The following LRP1B variants were observed in gnomAD, a reference collection of about 807,000 sequenced individuals.
The protein encoded by LRP1B is low-density lipoprotein receptor-related protein 1B.
Under a neutral mutation model 556.6 loss-of-function variants are expected in LRP1B, and 217 were observed. That is an observed-to-expected ratio of 0.39 (90% CI 0.35 to 0.44). The LOEUF (loss-of-function observed/expected upper bound fraction) is 0.44, where lower values mean the gene tolerates loss of function less well. LRP1B is among the 20% of genes least tolerant of loss of function. LRP1B has a pLI of 1.00. For synonymous variants in LRP1B, 2,047 were observed against 1,865.8 expected (o/e 1.10, Z -2.50); for missense variants, 5,053 against 5,620.8 (o/e 0.90, Z 3.23).
intron 27 of LRP1B, among the ~76,000 whole-genome samples, chr2:140,857,471 CT>C (rs992412868): frequency 2.6e-5 from 4 of 152,088 alleles, no homozygotes; most frequent in African/African-American, 9.7e-5. Flanking sequence ...CCTATTTTCC[CT>C]ATGACAGACA....
chr2:140,700,420 G>A lies in LRP1B; in HGVS notation c.6629C>T (p.Ser2210Phe), dbSNP rs773567685. 8 of 1,613,192 alleles carry A rather than the reference G, an allele frequency of 5.0e-6. No individual in the cohort carries two copies. Among genetic ancestry groups the A allele is most frequent in the South Asian group, 4.4e-5 (4 of 91,056 alleles). The change falls in exon 41 of 91, where the codon TCC becomes TTC. Residue 2210 changes from serine (S) to phenylalanine (F), a missense_variant. By Grantham distance (155) the Ser-to-Phe change is radical. Around this residue, in one of 5 missense-constraint regions of LRP1B, gnomAD observed 3,619 missense variants for 3,931.9 expected, o/e 0.92. Transcript: ENST00000389484. The stretch of plus-strand genomic sequence containing the variant: ...TGGATTCTCATATGGCCTTATTGGG[G>A]AATTTAAATTGGTTTCATCAGAAAG... ...IHLSDETNLN[S>F]PIRPYENPRY... is the part of the protein sequence containing the mutation.
intron 5 of LRP1B, among the ~76,000 whole-genome samples, chr2:141,242,114 T>G (rs1683899855): frequency 6.6e-6 from 1 of 152,048 alleles, no homozygotes; most frequent in Non-Finnish European, 1.5e-5. Context: ...TGAGATGCTT[T>G]AATAAAAGGC....
intron 3 of LRP1B, among the ~76,000 whole-genome samples, chr2:141,470,371 A>G (rs1353428564): frequency 1.3e-5 from 2 of 152,202 alleles, no homozygotes; most frequent in Non-Finnish European, 2.9e-5. Context: ...CTAGTTACAT[A>G]GTTGTTCAGC....
At chr2:140,955,256 A>AT in intron 18 of LRP1B, among the ~76,000 whole-genome samples, 1 of 151,882 alleles carries the variant, frequency 6.6e-6, no homozygotes, top group Non-Finnish European at 1.5e-5. Flanking sequence ...TAAATTTAAC[A>AT]TTTTTCCTGT....
chr2:141,799,136 G>A (rs1323162429), intron 2 of LRP1B, among the ~76,000 whole-genome samples: 2 of 152,054 alleles, frequency 1.3e-5, no homozygotes, highest in South Asian at 2.1e-4. Context: ...AAGGCAGCCC[G>A]CGCAGACGAA....
At chr2:141,065,448 A>G (rs1220069033) in intron 7 of LRP1B, among the ~76,000 whole-genome samples, 3 of 151,982 alleles carry the variant, frequency 2.0e-5, no homozygotes, top group Non-Finnish European at 4.4e-5. Flanking sequence ...TGAACATGAT[A>G]CATTGTGTTT....
At chr2:141,828,633 CG>C (rs1483768736) in intron 1 of LRP1B, among the ~76,000 whole-genome samples, 1 of 152,056 alleles carries the variant, frequency 6.6e-6, no homozygotes, top group Admixed American at 6.6e-5. Context: ...TAAGTTACCT[CG>C]TGCTGGTTTC....
chr2:141,463,391 T>C (rs1428799792), intron 3 of LRP1B, among the ~76,000 whole-genome samples: 3 of 150,592 alleles, frequency 2.0e-5, no homozygotes, highest in Non-Finnish European at 3.0e-5. Context: ...CAAATGAAAA[T>C]AGAAAAAGCT....
intron 1 of LRP1B, among the ~76,000 whole-genome samples, chr2:141,823,674 CTGT>C (rs1201953477): frequency 2.0e-5 from 3 of 151,950 alleles, no homozygotes; most frequent in Non-Finnish European, 4.4e-5. Context: ...TAAGATTTTG[CTGT>C]TGTTATTATT....
chr2:141,521,244 T>G (rs1323128965), intron 2 of LRP1B, among the ~76,000 whole-genome samples: 1 of 152,064 alleles, frequency 6.6e-6, no homozygotes, highest in East Asian at 1.9e-4. Flanking sequence ...CACATAAAAT[T>G]TTAATGAAAA....
chr2:141,050,667 A>T (rs1699010216), intron 10 of LRP1B, among the ~76,000 whole-genome samples: 1 of 152,152 alleles, frequency 6.6e-6, no homozygotes, highest in African/African-American at 2.4e-5. Context: ...GTAAACCAAA[A>T]CCATAAAAAT....
In LRP1B at chr2:141,699,349, T is replaced by G. The variant is rs75192848; in HGVS notation, c.205+110930A>C. Among the ~76,000 whole-genome samples the G allele has an allele frequency of 1.1e-3, 168 of 151,954 alleles. 7 individuals are homozygous for G. In the East Asian group the frequency reaches 0.029, roughly 26 times the overall value. The stretch of plus-strand genomic sequence containing the variant: ...ACTATTTATTTAGCATTCTCTGTGT[T>G]ACAGTTCCTTTGTTAGATGCTATAG... On this transcript the variant is annotated intron_variant, in intron 2 of 90. Coordinates refer to ENST00000389484, the MANE Select transcript of LRP1B (RefSeq NM_018557.3).
At chr2:140,552,515 A>T (rs1357683508) in intron 43 of LRP1B, among the ~76,000 whole-genome samples, 2 of 152,142 alleles carry the variant, frequency 1.3e-5, no homozygotes, top group Non-Finnish European at 2.9e-5. Context: ...AACTCCTGCC[A>T]TCTCGTTTTT....
intron 1 of LRP1B, among the ~76,000 whole-genome samples, chr2:142,034,944 GAATT>G (rs1703829186): frequency 6.6e-6 from 1 of 151,536 alleles, no homozygotes; most frequent in Non-Finnish European, 1.5e-5. Flanking sequence ...TGTATTGGTG[GAATT>G]AATATGAATA....
chr2:141,296,855 C>T (rs1471048015), intron 3 of LRP1B, among the ~76,000 whole-genome samples: 1 of 152,118 alleles, frequency 6.6e-6, no homozygotes, highest in Non-Finnish European at 1.5e-5. Flanking sequence ...CCCTTACTCT[C>T]CTCCCTCTCT....
intron 18 of LRP1B, among the ~76,000 whole-genome samples, chr2:140,970,712 ACCTTTTTTTTTTTTTTTTTTTTTTTTTTT>A (rs1178300788): frequency 0.013 from 1,580 of 126,388 alleles, 91 homozygotes; most frequent in Middle Eastern, 0.017. Flanking sequence ...TAATTTTTTA[ACCTTTTTTTTTTTTTTTTTTTTTTTTTTT>A]TTTTTTTTTT....
chr2:142,069,769 A>G (rs1051357861), intron 1 of LRP1B, among the ~76,000 whole-genome samples: 7 of 151,804 alleles, frequency 4.6e-5, no homozygotes, highest in Non-Finnish European at 8.8e-5. Flanking sequence ...TAAGAGGTAA[A>G]TAATTCTATA....
At chr2:140,875,280 A>G (rs538007046) in intron 25 of LRP1B, among the ~76,000 whole-genome samples, 1 of 152,336 alleles carries the variant, frequency 6.6e-6, no homozygotes, top group African/African-American at 2.4e-5. Context: ...AGTCAAAGGC[A>G]TACTAATGCA....
chr2:142,012,430 G>A lies in LRP1B; in HGVS notation c.82+118218C>T, dbSNP rs188734843. On this transcript the variant is annotated intron_variant, in intron 1 of 90. Transcript: ENST00000389484. ...CATATTATGATCTGATAGGTGAGAT[G>A]TGTTTTCTTTAGGTTTTTACAAAGA... Among the ~76,000 whole-genome samples the A allele has an allele frequency of 2.0e-5, 3 of 152,206 alleles. No individual in the cohort carries two copies. The East Asian group carries it at 5.8e-4, about 29-fold the overall frequency.
Sources: allele counts gnomAD v4.1 joint callset (sites outside exome capture counted in the v4.1 genomes callset), GRCh38; gene constraint gnomAD v4.1.1; regional missense constraint gnomAD v4.1.1; transcripts MANE v1.5; gene names NCBI Gene and HGNC (gene_info 2026-07-23, HGNC 2026-07-21).